The following FAM135B variants were observed in gnomAD, a reference collection of about 807,000 sequenced individuals.
FAM135B encodes protein FAM135B.
FAM135B carries 43 observed loss-of-function variants against 127.7 expected under a neutral mutation model. That is an observed-to-expected ratio of 0.34 (90% CI 0.26 to 0.43). The LOEUF is 0.43. FAM135B is among the 20% of genes least tolerant of loss of function. FAM135B has a pLI of 1.00. For missense variants in FAM135B, 1,558 were observed against 1,725.6 expected (o/e 0.90, Z 1.72); for synonymous variants, 670 against 665.1 (o/e 1.01, Z -0.11).
chr8:138,437,497 T>C (rs1835518193), intron 1 of FAM135B: 1 of 152,206 alleles, frequency 6.6e-6, no homozygotes, highest in Non-Finnish European at 1.5e-5. Flanking sequence ...AGGTGCCTTG[T>C]TTCTCCTTCC....
chr8:138,179,067 A>G (rs947017869), intron 9 of FAM135B, among the ~76,000 whole-genome samples: 1 of 152,156 alleles, frequency 6.6e-6, no homozygotes, highest in Non-Finnish European at 1.5e-5. Flanking sequence ...TGCACCTTGA[A>G]TGTTTTCCCT....
chr8:138,139,945 G>A (rs1191014127), intron 17 of FAM135B, among the ~76,000 whole-genome samples: 2 of 152,198 alleles, frequency 1.3e-5, no homozygotes, highest in Non-Finnish European at 2.9e-5. Flanking sequence ...CAATGTGTGT[G>A]CACAAAGATA....
intron 1 of FAM135B, among the ~76,000 whole-genome samples, chr8:138,420,792 T>A (rs1005149004): frequency 2.5e-4 from 38 of 152,064 alleles, no homozygotes; most frequent in African/African-American, 8.7e-4. Context: ...AAATTCAACA[T>A]CCCTTTATAT....
intron 8 of FAM135B, among the ~76,000 whole-genome samples, chr8:138,196,484 A>T (rs947996204): frequency 6.6e-6 from 1 of 152,176 alleles, no homozygotes; most frequent in South Asian, 2.1e-4. Flanking sequence ...CAGGGATCTG[A>T]GGGGAATCAG....
intron 5 of FAM135B, among the ~76,000 whole-genome samples, chr8:138,252,455 A>T (rs953651510): frequency 2.0e-5 from 3 of 152,238 alleles, no homozygotes; most frequent in African/African-American, 7.2e-5. Context: ...CTAGGGCTTG[A>T]ACAACAGGAG....
chr8:138,309,858 C>CT (rs145453026), intron 3 of FAM135B, among the ~76,000 whole-genome samples: 62 of 86,738 alleles, frequency 7.1e-4, no homozygotes, highest in African/African-American at 2.6e-3. Context: ...AGTCTTTCTA[C>CT]TTTTTTTTTT....
chr8:138,331,539 G>A (rs1828177123), intron 2 of FAM135B, among the ~76,000 whole-genome samples: 1 of 152,074 alleles, frequency 6.6e-6, no homozygotes, highest in Admixed American at 6.5e-5. Context: ...GTGAGGCTGG[G>A]TTTAAAACTA....
intron 1 of FAM135B, among the ~76,000 whole-genome samples, chr8:138,383,012 A>T (rs981415773): frequency 6.6e-6 from 1 of 152,176 alleles, no homozygotes; most frequent in Non-Finnish European, 1.5e-5. Context: ...TCCACTGGGA[A>T]AGGGGCCAGA....
intron 7 of FAM135B, among the ~76,000 whole-genome samples, chr8:138,209,624 C>G (rs1250716900): frequency 2.0e-5 from 3 of 152,166 alleles, no homozygotes; most frequent in Non-Finnish European, 4.4e-5. Context: ...TCCTAGGAAA[C>G]TAGCAACATA....
At chr8:138,226,711 A>G (rs1225533450) in intron 7 of FAM135B, among the ~76,000 whole-genome samples, 1 of 152,076 alleles carries the variant, frequency 6.6e-6, no homozygotes, top group Non-Finnish European at 1.5e-5. Flanking sequence ...ACAGGCATGC[A>G]CCACCATGCC....
intron 1 of FAM135B, among the ~76,000 whole-genome samples, chr8:138,435,409 T>C (rs1356252283): frequency 2.0e-5 from 3 of 152,198 alleles, no homozygotes; most frequent in Admixed American, 1.3e-4. Context: ...GCTTGGAGTG[T>C]TATCCTCAGG....
intron 7 of FAM135B, among the ~76,000 whole-genome samples, chr8:138,218,404 A>G (rs1232931384): frequency 6.6e-6 from 1 of 152,196 alleles, no homozygotes; most frequent in Non-Finnish European, 1.5e-5. Flanking sequence ...CCTGCTCACA[A>G]TCACATATTA....
At chr8:138,138,307 G>A (rs562939926) in intron 18 of FAM135B, among the ~76,000 whole-genome samples, 35 of 152,374 alleles carry the variant, frequency 2.3e-4, no homozygotes, top group African/African-American at 7.5e-4. Flanking sequence ...CAGATTCACA[G>A]GCACAGAGGG....
chr8:138,456,186 C>A (rs1029993967), intron 1 of FAM135B, among the ~76,000 whole-genome samples: 1 of 152,142 alleles, frequency 6.6e-6, no homozygotes, highest in South Asian at 2.1e-4. Context: ...CCAAACACAA[C>A]AAAACTGTGA....
At chr8:138,254,252 CTT>C (rs1821910493) in intron 5 of FAM135B, among the ~76,000 whole-genome samples, 1 of 152,144 alleles carries the variant, frequency 6.6e-6, no homozygotes, top group Non-Finnish European at 1.5e-5. Context: ...GTTTTACACA[CTT>C]TGAATAAACC....
At position 138,250,849 on chromosome 8, in the gene FAM135B, T is replaced by C; in HGVS notation, c.534A>G (p.Pro178=). 1 of 1,613,754 alleles carries C rather than the reference T, an allele frequency of 6.2e-7. No homozygotes were observed. Among genetic ancestry groups the C allele is most frequent in the African/African-American group, 1.3e-5 (1 of 75,030 alleles). ...VHAALVALQQ[P]LISFTRPGRG... is the part of the protein sequence containing the mutation. Reference sequence around the variant, plus strand: ...GCCTCTGAACTTCATACCTGATCAATGGCTGCTGCAGAGCCACCAGGGCAG... The same window carrying C: ...GCCTCTGAACTTCATACCTGATCAACGGCTGCTGCAGAGCCACCAGGGCAG... The change falls in exon 6 of 20, where the codon CCA becomes CCG. Residue 178 remains proline (P), a synonymous_variant. Transcript: ENST00000395297.
chr8:138,476,843 T>A (rs1187955473), intron 1 of FAM135B, among the ~76,000 whole-genome samples: 1 of 152,176 alleles, frequency 6.6e-6, no homozygotes. Flanking sequence ...TACTGCTTCT[T>A]GTAAAATGAC....
At position 138,421,753 on chromosome 8, in the gene FAM135B, C is replaced by T. The variant is rs1834523530; in HGVS notation, c.-19-53751G>A. 2.0e-5 allele frequency among the ~76,000 whole-genome samples: 3 copies of T among 152,188 alleles called. No individual in the cohort carries two copies. In the South Asian group the frequency reaches 6.2e-4, roughly 32 times the overall value. ...TTCAATGCTATTTTTATCAAACTACCAATATCATTTTCATAGAATTAGAAA... is the reference window on the plus strand; with the variant it reads ...TTCAATGCTATTTTTATCAAACTACTAATATCATTTTCATAGAATTAGAAA... On this transcript the variant is annotated intron_variant, in intron 1 of 19. Transcript: ENST00000395297.
At chr8:138,234,885 T>C (rs1331086043) in intron 7 of FAM135B, among the ~76,000 whole-genome samples, 1 of 152,178 alleles carries the variant, frequency 6.6e-6, no homozygotes, top group Non-Finnish European at 1.5e-5. Flanking sequence ...TGAGGGATAA[T>C]AATAATTGCT....
Sources: gnomAD v4.1 joint callset for allele counts (sites outside exome capture counted in the v4.1 genomes callset) on GRCh38, gnomAD v4.1.1 for gene constraint, MANE v1.5 for transcripts, NCBI Gene and HGNC (gene_info 2026-07-23, HGNC 2026-07-21) for gene names.